Variants in PBX3 observed in about 807,000 individuals in gnomAD.
PBX3 encodes PBX homeobox 3.
PBX3 carries 14 observed loss-of-function variants against 48.5 expected under a neutral mutation model. That is an observed-to-expected ratio of 0.29 (90% CI 0.19 to 0.45). PBX3 has a LOEUF of 0.45. Among genes scored for constraint, PBX3 ranks in the 20% least tolerant of loss-of-function variants. The probability of loss-of-function intolerance (pLI) is 1.00; values close to 1 mark genes in which losing one functional copy is unlikely to be tolerated. For missense variants in PBX3, 386 were observed against 546.7 expected (o/e 0.71, Z 2.93); for synonymous variants, 210 against 200.3 (o/e 1.05, Z -0.41).
At chr9:125,918,424 A>G (rs1841382332) in intron 3 of PBX3, among the ~76,000 whole-genome samples, 2 of 152,120 alleles carry the variant, frequency 1.3e-5, no homozygotes, top group Admixed American at 1.3e-4. Flanking sequence ...ATGTATATGC[A>G]TGTTCTTCAT....
chr9:125,857,787 G>A (rs903231052), intron 2 of PBX3, among the ~76,000 whole-genome samples: 1 of 152,110 alleles, frequency 6.6e-6, no homozygotes, highest in Non-Finnish European at 1.5e-5. Flanking sequence ...GAAGAATTTT[G>A]GATCTTTCTG....
rs766971839 is a variant in PBX3, at chr9:125,962,117, T to C, written c.1025T>C (p.Phe342Ser). Residue 342 changes from phenylalanine (F) to serine (S), a missense_variant, in exon 7 of 9, where the codon TTT (phenylalanine) becomes TCT (serine). Phe to Ser is a radical substitution (Grantham distance 155, BLOSUM62 -2). Transcript: ENST00000373489. ...TTPNSGSSGS[F>S]NLPNSGDMFM... ...TCCTTTCCAGGTTCTTCTGGTTCTT[T>C]TAACCTCCCAAATTCTGGGGACATG... 2.5e-6 allele frequency: 4 copies of C among 1,603,688 alleles called. No homozygotes were observed. The highest frequency in any genetic ancestry group is 3.4e-6 in the Non-Finnish European group (4 of 1,170,500).
intron 5 of PBX3, among the ~76,000 whole-genome samples, chr9:125,943,596 C>T (rs1018223967): frequency 1.3e-5 from 2 of 151,988 alleles, no homozygotes; most frequent in African/African-American, 2.4e-5. Flanking sequence ...CTAACCTTTC[C>T]GCTGCCTTGC....
At chr9:125,908,691 G>A (rs926122914) in intron 2 of PBX3, among the ~76,000 whole-genome samples, 2 of 151,908 alleles carry the variant, frequency 1.3e-5, no homozygotes, top group Admixed American at 6.6e-5. Flanking sequence ...TTAAAGCCAG[G>A]GTTTTAATTC....
At chr9:125,792,701 ATT>A (rs11410616) in intron 2 of PBX3, among the ~76,000 whole-genome samples, 13 of 142,212 alleles carry the variant, frequency 9.1e-5, no homozygotes, top group South Asian at 2.2e-4. Context: ...GGTATACTTA[ATT>A]TTTTTTTTTT....
intron 2 of PBX3, among the ~76,000 whole-genome samples, chr9:125,763,565 C>T (rs142953756): frequency 3.0e-4 from 45 of 152,306 alleles, no homozygotes; most frequent in Admixed American, 1.4e-3. Context: ...ATAAAGGCCT[C>T]TAACACTGAA....
intron 2 of PBX3, among the ~76,000 whole-genome samples, chr9:125,767,696 A>G (rs1022101979): frequency 1.5e-4 from 23 of 152,220 alleles, no homozygotes; most frequent in African/African-American, 5.1e-4. Flanking sequence ...TTGGGTTAAC[A>G]ATAGCTTTGT....
intron 2 of PBX3, among the ~76,000 whole-genome samples, chr9:125,905,837 T>G (rs1841057975): frequency 6.6e-6 from 1 of 152,006 alleles, no homozygotes; most frequent in Non-Finnish European, 1.5e-5. Flanking sequence ...AACATAGAAG[T>G]CTTGTTTGTG....
At chr9:125,796,046 T>C (rs1837768642) in intron 2 of PBX3, among the ~76,000 whole-genome samples, 1 of 152,086 alleles carries the variant, frequency 6.6e-6, no homozygotes, top group African/African-American at 2.4e-5. Context: ...TAGCTTATCC[T>C]TTTGCAGTAT....
At chr9:125,800,709 A>G (rs996385471) in intron 2 of PBX3, among the ~76,000 whole-genome samples, 1 of 151,554 alleles carries the variant, frequency 6.6e-6, no homozygotes, top group African/African-American at 2.4e-5. Context: ...TCTTTTACTT[A>G]AAGGTTTTAG....
chr9:125,908,197 G>A (rs1212858976), intron 2 of PBX3, among the ~76,000 whole-genome samples: 5 of 152,098 alleles, frequency 3.3e-5, no homozygotes, highest in South Asian at 2.1e-4. Flanking sequence ...CTGGGTCTGG[G>A]AGGAACTTAT....
rs1842520483 is a variant in PBX3, at chr9:125,965,836, T to C, written c.1218T>C (p.Asn406=). The change falls in exon 9 of 9, where the codon AAT becomes AAC. Residue 406 remains asparagine (N), a synonymous_variant. Transcript: ENST00000373489. ...SLYSPHNLNA[N]GGWQDATTPS... ...AACTGTGTTTCTCCTTTCAGGCTAATGGAGGCTGGCAGGACGCAACAACTC... is the reference window on the plus strand; with the variant it reads ...AACTGTGTTTCTCCTTTCAGGCTAACGGAGGCTGGCAGGACGCAACAACTC... The C allele has an allele frequency of 6.2e-7, 1 of 1,613,632 alleles. No individual in the cohort carries two copies. The highest frequency in any genetic ancestry group is 8.5e-7 in the Non-Finnish European group (1 of 1,179,480).
chr9:125,901,430 T>C (rs1840943065), intron 2 of PBX3, among the ~76,000 whole-genome samples: 2 of 151,728 alleles, frequency 1.3e-5, no homozygotes, highest in South Asian at 4.1e-4. Context: ...TACTTCAAAA[T>C]TGTATTTCTG....
chr9:125,787,519 A>C (rs1837489243), intron 2 of PBX3, among the ~76,000 whole-genome samples: 1 of 152,164 alleles, frequency 6.6e-6, no homozygotes, highest in African/African-American at 2.4e-5. Context: ...TATCATGACC[A>C]CTTGTCATTT....
At chr9:125,866,832 A>G (rs1253661395) in intron 2 of PBX3, among the ~76,000 whole-genome samples, 1 of 152,226 alleles carries the variant, frequency 6.6e-6, no homozygotes, top group African/African-American at 2.4e-5. Flanking sequence ...ACAGTATCCA[A>G]AGCTATACTT....
intron 5 of PBX3, among the ~76,000 whole-genome samples, chr9:125,942,632 G>A (rs981577156): frequency 1.3e-5 from 2 of 152,190 alleles, no homozygotes; most frequent in Non-Finnish European, 2.9e-5. Flanking sequence ...GAAGGCAGAA[G>A]TAGATTCCTA....
chr9:125,787,005 A>G (rs981892622), intron 2 of PBX3, among the ~76,000 whole-genome samples: 1 of 152,072 alleles, frequency 6.6e-6, no homozygotes, highest in African/African-American at 2.4e-5. Context: ...GATTACAGGC[A>G]TGAGCCACTG....
At chr9:125,843,640 G>A (rs551507144) in intron 2 of PBX3, 7 of 253,256 alleles carry the variant, frequency 2.8e-5, no homozygotes, top group East Asian at 1.2e-4. Context: ...CAACAGTCCC[G>A]AAAGAATATT....
At chr9:125,869,767 A>G (rs1158561377) in intron 2 of PBX3, among the ~76,000 whole-genome samples, 1 of 152,234 alleles carries the variant, frequency 6.6e-6, no homozygotes, top group Non-Finnish European at 1.5e-5. Context: ...ATTTTAAGAA[A>G]AAAACAAAAA....
Sources: allele counts gnomAD v4.1 joint callset (sites outside exome capture counted in the v4.1 genomes callset), GRCh38; gene constraint gnomAD v4.1.1; transcripts MANE v1.5; gene names NCBI Gene and HGNC (gene_info 2026-07-23, HGNC 2026-07-21).